Variants in CNOT1 observed in about 807,000 individuals in gnomAD.
CNOT1 encodes the protein CCR4-associated factor 1.
Under a neutral mutation model 273.8 loss-of-function variants are expected in CNOT1, and 15 were observed. The observed-to-expected ratio is 0.05, with a 90% CI of 0.04 to 0.08. The LOEUF is 0.08. Among genes scored for constraint, CNOT1 ranks in the 10% least tolerant of loss-of-function variants. The pLI is 1.00. For missense variants in CNOT1, 1,644 were observed against 2,912.2 expected (o/e 0.56, Z 10.02); for synonymous variants, 1,022 against 1,005.5 (o/e 1.02, Z -0.31).
chr16:58,579,394 AC>A (rs2041575922), intron 12 of CNOT1, among the ~76,000 whole-genome samples: 1 of 152,214 alleles, frequency 6.6e-6, no homozygotes. Flanking sequence ...CAATTGGGGA[AC>A]TTAAATGTAA....
At chr16:58,623,666 C>T (rs2043441958) in intron 1 of CNOT1, among the ~76,000 whole-genome samples, 1 of 152,126 alleles carries the variant, frequency 6.6e-6, no homozygotes, top group Non-Finnish European at 1.5e-5. Context: ...ACCTCCTCAT[C>T]CATATCCTTT....
intron 30 of CNOT1, among the ~76,000 whole-genome samples, chr16:58,544,600 G>A (rs912427809): frequency 6.6e-6 from 1 of 151,908 alleles, no homozygotes; most frequent in Non-Finnish European, 1.5e-5. Flanking sequence ...GGGGATGGGG[G>A]GACAAGGATA....
At chr16:58,585,645 C>CT in intron 7 of CNOT1, 139 bp from the exon 8 acceptor site, 1 of 1,391,244 alleles carries the variant, frequency 7.2e-7, no homozygotes, top group Non-Finnish European at 9.4e-7. Context: ...TTCCAGCCTA[C>CT]TAGCCGAAGT....
intron 8 of CNOT1, among the ~76,000 whole-genome samples, chr16:58,584,797 T>C (rs905792459): frequency 2.0e-5 from 3 of 152,200 alleles, no homozygotes; most frequent in Admixed American, 6.5e-5. Flanking sequence ...GCAAAGCACA[T>C]TAATCCCCTT....
At chr16:58,522,237 CAAAAAAAAAAAAAAAAAAA>C (rs56149974) in intron 47 of CNOT1, among the ~76,000 whole-genome samples, 14 of 98,592 alleles carry the variant, frequency 1.4e-4, no homozygotes, top group Non-Finnish European at 2.2e-4. Flanking sequence ...GAGACTGTCT[CAAAAAAAAAAAAAAAAAAA>C]AAAAAAAAAA....
At chr16:58,594,541 C>T (rs2897253) in intron 2 of CNOT1, among the ~76,000 whole-genome samples, 114,299 of 151,906 alleles carry the variant, frequency 0.75, 43,412 homozygotes, top group Middle Eastern at 0.86. Context: ...TGGGGGCTCA[C>T]GTCTGTAATC....
In CNOT1 at chr16:58,525,337, C is replaced by G; in HGVS notation, c.6626G>C (p.Arg2209Pro). ...TGCATTGATGAGCTGGAGGTTGTAGCGATTCCCAGGTTCATTGGATACCTT... is the reference window on the plus strand; with the variant it reads ...TGCATTGATGAGCTGGAGGTTGTAGGGATTCCCAGGTTCATTGGATACCTT... ...NLQVSNEPGN[R>P]YNLQLINALV... Residue 2209 changes from arginine (R) to proline (P), a missense_variant, in exon 46 of 49, where the codon CGC becomes CCC. By Grantham distance (103) the Arg-to-Pro change is moderately radical. Around this residue, in one of 13 missense-constraint regions of CNOT1, gnomAD observed 140 missense variants for 324.6 expected, o/e 0.43. Transcript: ENST00000317147. The G allele has an allele frequency of 6.2e-7, 1 of 1,613,468 alleles. No individual in the cohort carries two copies. The highest frequency in any genetic ancestry group is 8.5e-7 in the Non-Finnish European group (1 of 1,180,018).
At chr16:58,615,611 ACT>A (rs1419491329) in intron 1 of CNOT1, among the ~76,000 whole-genome samples, 1 of 125,882 alleles carries the variant, frequency 7.9e-6, no homozygotes, top group Admixed American at 7.9e-5. Flanking sequence ...ATACATTTTT[ACT>A]CTGTTAAGCC....
In CNOT1 at chr16:58,534,184, G is replaced by A. The variant is rs2039861592; in HGVS notation, c.5858C>T (p.Ala1953Val). 3 of 1,614,178 alleles carry A rather than the reference G, an allele frequency of 1.9e-6. No homozygotes were observed. The highest frequency in any genetic ancestry group is 2.5e-6 in the Non-Finnish European group (3 of 1,180,034). Residue 1953 changes from alanine to valine, a missense_variant, in exon 40 of 49, where the codon GCC becomes GTC. Around this residue, in one of 13 missense-constraint regions of CNOT1, gnomAD observed 133 missense variants for 328.2 expected, o/e 0.41. Transcript: ENST00000317147. Reference sequence around the variant, plus strand: ...ATTAATCTTTGTGACAGTGTTGGTGGCCTCCCCTGAGTGTTTCACGAGCAG... The same window carrying A: ...ATTAATCTTTGTGACAGTGTTGGTGACCTCCCCTGAGTGTTTCACGAGCAG... ...IALLVKHSGE[A>V]TNTVTKINLL...
chr16:58,611,099 C>T (rs562248818), intron 1 of CNOT1, among the ~76,000 whole-genome samples: 1 of 152,146 alleles, frequency 6.6e-6, no homozygotes, highest in South Asian at 2.1e-4. Flanking sequence ...AGAGTCAACA[C>T]TGCTAGAGAA....
At chr16:58,522,991 A>G (rs2151889479) in intron 47 of CNOT1, 1 of 156,490 alleles carries the variant, frequency 6.4e-6, no homozygotes, top group Non-Finnish European at 1.4e-5. Context: ...CACGCCTGTA[A>G]TCCCAGCACT....
intron 1 of CNOT1, among the ~76,000 whole-genome samples, chr16:58,601,922 GGATACA>G (rs1426126324): frequency 1.5e-4 from 22 of 151,316 alleles, no homozygotes; most frequent in Non-Finnish European, 1.8e-4. Context: ...AAAAGATGAT[GGATACA>G]CTTATTTTGT....
At chr16:58,558,370 G>A in intron 18 of CNOT1, 103 bp downstream of exon 18, 1 of 1,538,610 alleles carries the variant, frequency 6.5e-7, no homozygotes, top group Non-Finnish European at 8.8e-7. Context: ...TTTCATTTAA[G>A]CAGCTTTCCT....
chr16:58,580,638 G>A lies in CNOT1; in HGVS notation c.1338C>T (p.Ala446=), dbSNP rs763201037. The part of the protein sequence containing the change: ...APPEDDNREI[A]TWKSLDLIES... ...AGATGAATCAAAGTGTTTACCATGT[G>A]GCAATTTCTCGATTGTCATCCTCTG... Residue 446 remains alanine, a synonymous_variant, in exon 12 of 49, where the codon GCC becomes GCT. Coordinates refer to ENST00000317147, the MANE Select transcript of CNOT1 (RefSeq NM_016284.5). 1 of 1,608,892 alleles carries A rather than the reference G, an allele frequency of 6.2e-7. No homozygotes were observed. Among genetic ancestry groups the A allele is most frequent in the South Asian group, 1.1e-5 (1 of 89,580 alleles).
intron 16 of CNOT1, among the ~76,000 whole-genome samples, chr16:58,564,435 T>C (rs948258254): frequency 3.3e-5 from 5 of 152,276 alleles, no homozygotes; most frequent in African/African-American, 1.2e-4. Context: ...TTATACTGCA[T>C]TGAATCCAAA....
At chr16:58,556,153 T>C (rs1315220597) in intron 19 of CNOT1, among the ~76,000 whole-genome samples, 1 of 152,228 alleles carries the variant, frequency 6.6e-6, no homozygotes, top group Non-Finnish European at 1.5e-5. Flanking sequence ...AACACAAAAG[T>C]TAACTTGGTT....
rs7204576 is a variant in CNOT1 at position 58,623,635 on chromosome 16, C to T, written c.-175+6093G>A. On this transcript the variant is annotated intron_variant, in intron 1 of 48. Transcript: ENST00000317147. Reference sequence around the variant, plus strand: ...GCCAGGGGAGGGCATGGAAGCTCCGCGGCCCTTACTTCTCCTACGCACCTC... The same window carrying T: ...GCCAGGGGAGGGCATGGAAGCTCCGTGGCCCTTACTTCTCCTACGCACCTC... 4.0e-3 allele frequency among the ~76,000 whole-genome samples: 614 copies of T among 152,270 alleles called. 6 individuals are homozygous for T. Among genetic ancestry groups the T allele is most frequent in the African/African-American group, 0.014 (565 of 41,562 alleles).
Position 58,530,345 on chromosome 16 carries a change from C to T in CNOT1, c.6180G>A (p.Gly2060=), listed in dbSNP as rs780188340. The change falls in exon 43 of 49, where the codon GGG becomes GGA. Residue 2060 remains glycine, a splice_region_variant and synonymous_variant. Coordinates refer to ENST00000317147, the MANE Select transcript of CNOT1 (RefSeq NM_016284.5). The stretch of plus-strand genomic sequence containing the variant: ...TCAGTAGCTGTGCATACATAGGCCA[C>T]CCCTGAAAGAAAGAAATGTACATGA... ...RMLAHTPQQK[G]WPMYAQLLID... The T allele has an allele frequency of 1.2e-6, 2 of 1,603,920 alleles. No homozygotes were observed. Among genetic ancestry groups the T allele is most frequent in the Admixed American group, 1.7e-5 (1 of 59,146 alleles).
chr16:58,583,181 T>A lies in CNOT1; in HGVS notation c.808A>T (p.Ile270Phe). The A allele has an allele frequency of 6.2e-7, 1 of 1,613,160 alleles. No individual in the cohort carries two copies. The highest frequency in any genetic ancestry group is 1.7e-5 in the Admixed American group (1 of 59,690). The change falls in exon 9 of 49, where the codon ATT becomes TTT. Residue 270 changes from isoleucine to phenylalanine, a missense_variant and splice_region_variant. This residue lies in a region of CNOT1 where 706 missense variants were observed against 1,021.2 expected (regional missense o/e 0.69). Coordinates refer to ENST00000317147, the MANE Select transcript of CNOT1 (RefSeq NM_016284.5). Reference sequence around the variant, plus strand: ...ACGATTATATTGCGACATTCTTCAATACTGAAACAGAAATATAACTTCAGA... The same window carrying A: ...ACGATTATATTGCGACATTCTTCAAAACTGAAACAGAAATATAACTTCAGA... Reference protein sequence around the residue: ...QEVGYGFCASIEECRNIIVQF... With the variant: ...QEVGYGFCASFEECRNIIVQF...
Sources: gnomAD v4.1 joint callset for allele counts (sites outside exome capture counted in the v4.1 genomes callset) on GRCh38, gnomAD v4.1.1 for gene constraint, gnomAD v4.1.1 regional missense constraint, MANE v1.5 for transcripts, NCBI Gene and HGNC (gene_info 2026-07-23, HGNC 2026-07-21) for gene names.